Variants in FAM222A observed in about 807,000 individuals in gnomAD.
FAM222A encodes the protein family with sequence similarity 222 member A.
FAM222A carries 7 observed loss-of-function variants against 25.8 expected under a neutral mutation model. The ratio of observed to expected loss-of-function variants is 0.27; its 90% CI spans 0.15 to 0.51. The LOEUF is 0.51. FAM222A is among the 20% of genes least tolerant of loss of function. FAM222A has a pLI of 0.97. For synonymous variants in FAM222A, 294 were observed against 298.8 expected (o/e 0.98, Z 0.17); for missense variants, 573 against 640.5 (o/e 0.89, Z 1.14).
chr12:109,729,860 A>G (rs577387190), intron 1 of FAM222A, among the ~76,000 whole-genome samples: 1 of 152,312 alleles, frequency 6.6e-6, no homozygotes, highest in Admixed American at 6.5e-5. Context: ...TGTGTGCCAA[A>G]ATGCCACTGC....
intron 1 of FAM222A, among the ~76,000 whole-genome samples, chr12:109,718,725 TG>T (rs1219144108): frequency 5.3e-5 from 8 of 152,238 alleles, no homozygotes; most frequent in African/African-American, 1.9e-4. Context: ...CCGCCCTGAT[TG>T]GTTGCTAAGT....
At chr12:109,731,719 C>T (rs1292952797) in intron 1 of FAM222A, among the ~76,000 whole-genome samples, 2 of 152,140 alleles carry the variant, frequency 1.3e-5, no homozygotes, top group African/African-American at 2.4e-5. Flanking sequence ...TAGCCCTGCC[C>T]CTCTGCCCAC....
chr12:109,720,940 G>A, intron 1 of FAM222A, among the ~76,000 whole-genome samples: 1 of 152,144 alleles, frequency 6.6e-6, no homozygotes, highest in South Asian at 2.1e-4. Flanking sequence ...AATCAGAGGT[G>A]GAAACAATTA....
chr12:109,749,254 G>GC (rs1323597634), intron 2 of FAM222A, among the ~76,000 whole-genome samples: 9 of 152,076 alleles, frequency 5.9e-5, no homozygotes, highest in African/African-American at 2.2e-4. Flanking sequence ...TTACAGGCAT[G>GC]CACCACCATG....
chr12:109,716,802 T>G (rs1566182036), intron 1 of FAM222A, among the ~76,000 whole-genome samples: 1 of 152,262 alleles, frequency 6.6e-6, no homozygotes, highest in Non-Finnish European at 1.5e-5. Context: ...TCCCTGGGCT[T>G]GGCACTCAGC....
intron 1 of FAM222A, among the ~76,000 whole-genome samples, chr12:109,728,039 G>A (rs983503791): frequency 2.6e-5 from 4 of 152,188 alleles, no homozygotes; most frequent in East Asian, 1.9e-4. Context: ...AAGAGAACCC[G>A]CCCCAGGGGC....
chr12:109,745,883 ACTAAT>A (rs10534054), intron 2 of FAM222A, among the ~76,000 whole-genome samples: 23,905 of 147,908 alleles, frequency 0.16, 2,036 homozygotes, highest in East Asian at 0.31. Flanking sequence ...TTTTCCTTTG[ACTAAT>A]CTACTTATCT....
chr12:109,734,635 C>T (rs1946671691), intron 1 of FAM222A: 1 of 151,364 alleles, frequency 6.6e-6, no homozygotes, highest in African/African-American at 2.4e-5. Context: ...AACCAGAAGT[C>T]ATGCATGTTC....
chr12:109,767,706 A>G (rs577669636), intron 2 of FAM222A, among the ~76,000 whole-genome samples: 1 of 152,282 alleles, frequency 6.6e-6, no homozygotes, highest in African/African-American at 2.4e-5. Flanking sequence ...GTTAGAAGTC[A>G]GGATAGTGGT....
chr12:109,744,938 C>T (rs774106018), intron 2 of FAM222A: 13 of 281,168 alleles, frequency 4.6e-5, no homozygotes, highest in Admixed American at 1.9e-4. Flanking sequence ...TCCAGGTCAC[C>T]GCGGTCCCCA....
intron 2 of FAM222A, among the ~76,000 whole-genome samples, chr12:109,748,901 G>GT (rs890688085): frequency 6.6e-6 from 1 of 151,582 alleles, no homozygotes; most frequent in African/African-American, 2.4e-5. Flanking sequence ...TCTGCTTTTA[G>GT]TTTTTTTCCC....
At chr12:109,737,686 C>G (rs966676942) in intron 1 of FAM222A, among the ~76,000 whole-genome samples, 2 of 152,144 alleles carry the variant, frequency 1.3e-5, no homozygotes, top group African/African-American at 4.8e-5. Flanking sequence ...CAGCCAAGCC[C>G]TGTGCCAGTT....
intron 1 of FAM222A, among the ~76,000 whole-genome samples, chr12:109,740,155 C>T (rs957879047): frequency 3.9e-5 from 6 of 152,236 alleles, no homozygotes; most frequent in African/African-American, 1.4e-4. Flanking sequence ...AATTCCTCCT[C>T]GGACCTGAAA....
intron 2 of FAM222A, among the ~76,000 whole-genome samples, chr12:109,759,952 C>G (rs574196906): frequency 1.3e-5 from 2 of 152,312 alleles, no homozygotes; most frequent in African/African-American, 4.8e-5. Context: ...CCGACAGCTA[C>G]AGCATGGGGG....
At chr12:109,733,549 A>G (rs553876752) in intron 1 of FAM222A, among the ~76,000 whole-genome samples, 4 of 152,166 alleles carry the variant, frequency 2.6e-5, no homozygotes, top group South Asian at 2.1e-4. Context: ...GACTACAGGC[A>G]CACGCCACCA....
rs1398777909 is a variant in FAM222A at position 109,713,965 on chromosome 12, G to A, written c.-979G>A. Reference sequence around the variant, plus strand: ...GCGCGGCACCCGGGCCTGAGACCAGGCGAGGCGCCGGCGCGCGCCAGACGG... The same window carrying A: ...GCGCGGCACCCGGGCCTGAGACCAGACGAGGCGCCGGCGCGCGCCAGACGG... On this transcript the variant is annotated 5_prime_UTR_variant, in exon 1 of 3. Transcript: ENST00000538780. 6.9e-6 allele frequency among the ~76,000 whole-genome samples: 1 copy of A among 145,972 alleles called. No individual in the cohort carries two copies. The highest frequency in any genetic ancestry group is 2.5e-5 in the African/African-American group (1 of 40,706).
chr12:109,737,346 G>A (rs1888114437), intron 1 of FAM222A, among the ~76,000 whole-genome samples: 1 of 152,078 alleles, frequency 6.6e-6, no homozygotes, highest in South Asian at 2.1e-4. Flanking sequence ...GCTCAGAACT[G>A]CCAGCATCTC....
intron 2 of FAM222A, among the ~76,000 whole-genome samples, chr12:109,766,010 G>A (rs1889038634): frequency 6.6e-6 from 1 of 152,222 alleles, no homozygotes; most frequent in South Asian, 2.1e-4. Context: ...GGAAGCAGAG[G>A]CCGAGTGGTG....
At chr12:109,728,567 C>T (rs532888689) in intron 1 of FAM222A, among the ~76,000 whole-genome samples, 6 of 152,314 alleles carry the variant, frequency 3.9e-5, no homozygotes, top group South Asian at 2.1e-4. Context: ...CCTGCCAGGC[C>T]GTACCTTCCT....
Sources: gnomAD v4.1 joint callset for allele counts (sites outside exome capture counted in the v4.1 genomes callset) on GRCh38, gnomAD v4.1.1 for gene constraint, MANE v1.5 for transcripts, NCBI Gene and HGNC (gene_info 2026-07-23, HGNC 2026-07-21) for gene names.